The following ETS2 variants were observed in gnomAD, a reference collection of about 807,000 sequenced individuals.
ETS2 encodes the protein protein C-ets-2.
In ETS2, 19 loss-of-function variants were observed where a neutral mutation model predicts 54.9. That is an observed-to-expected ratio of 0.35 (90% confidence interval 0.24 to 0.51). ETS2 has a LOEUF of 0.51. ETS2 is among the 20% of genes least tolerant of loss of function. The probability of loss-of-function intolerance (pLI) is 0.97; values close to 1 mark genes in which losing one functional copy is unlikely to be tolerated. For synonymous variants in ETS2, 219 were observed against 229.3 expected (o/e 0.95, Z 0.41); for missense variants, 417 against 593.0 (o/e 0.70, Z 3.08).
At chr21:38,816,885 T>C (rs900650451) in intron 5 of ETS2, 123 bp from the exon 6 acceptor site, 35 of 604,654 alleles carry the variant, frequency 5.8e-5, no homozygotes, top group Non-Finnish European at 9.7e-5. Context: ...AGATTAAATG[T>C]GAAGCACTCC....
chr21:38,819,785 G>A lies in ETS2; in HGVS notation c.1075+19G>A, dbSNP rs774851109. ...TTCACAGGTGTGTGTGGAACTCCGA[G>A]AGCCTGGCCGCCCAGTCTCCTGGGT... On this transcript the variant is annotated intron_variant, in intron 8 of 9. Coordinates refer to ENST00000360938, the MANE Select transcript of ETS2 (RefSeq NM_005239.6). The A allele has an allele frequency of 4.6e-5, 74 of 1,604,058 alleles. No homozygotes were observed. The highest frequency in any genetic ancestry group is 5.6e-5 in the Non-Finnish European group (66 of 1,175,768).
At chr21:38,810,381 T>C (rs1224552512) in intron 2 of ETS2, among the ~76,000 whole-genome samples, 1 of 152,206 alleles carries the variant, frequency 6.6e-6, no homozygotes, top group African/African-American at 2.4e-5. Flanking sequence ...GAAAATCCTA[T>C]AACTCCCAAT....
Position 38,823,489 on chromosome 21 carries a change from G to A in ETS2, c.*600G>A, listed in dbSNP as rs976704835. The A allele has an allele frequency of 2.0e-5, 3 of 152,346 alleles. No individual in the cohort carries two copies. Among genetic ancestry groups the A allele is most frequent in the African/African-American group, 7.2e-5 (3 of 41,416 alleles). 9.4% of individuals were successfully genotyped at this position (152,346 alleles called of 1,614,324 possible). ...TGAGGTTTTATTTCATTTTTCAATA[G>A]CACATATGGAATTTTGCAAAGATTT... On this transcript the variant is annotated 3_prime_UTR_variant, in exon 10 of 10. Coordinates refer to ENST00000360938, the MANE Select transcript of ETS2 (RefSeq NM_005239.6).
At position 38,822,894 on chromosome 21, in the gene ETS2, G is replaced by A; in HGVS notation, c.*5G>A. 4 of 1,562,084 alleles carry A rather than the reference G, an allele frequency of 2.6e-6. No homozygotes were observed. In the Admixed American group the frequency reaches 5.4e-5, roughly 21 times the overall value. ...CAGCCCGACACGGAGGACTGAGGTC[G>A]CCGGGACCACCCTGAGCCGGCCCCA... is the stretch of plus-strand genomic sequence containing the variant. On this transcript the variant is annotated 3_prime_UTR_variant, in exon 10 of 10. Transcript: ENST00000360938.
chr21:38,805,986 GC>G lies in ETS2; in HGVS notation c.-133del. ...GTCGCTCCAGCTCAGAGCTCCCGGA[GC>G]CGCCCGGCCAGCGTCCGGCCTCCCT... On this transcript the variant is annotated 5_prime_UTR_variant, in exon 1 of 10. Transcript: ENST00000360938. This position sits in a 1 kb window ranked among gnomAD's most constrained non-coding sequence, Gnocchi z 5.2. 9.5e-6 allele frequency: 12 copies of G among 1,263,148 alleles called. No individual in the cohort carries two copies. Among genetic ancestry groups the G allele is most frequent in the Non-Finnish European group, 1.2e-5 (12 of 978,724 alleles). 78.2% of individuals were successfully genotyped at this position (1,263,148 alleles called of 1,614,324 possible).
At chr21:38,805,594 T>A, upstream of ETS2, 1 of 1,269,550 alleles carries the variant, frequency 7.9e-7, no homozygotes, top group Non-Finnish European at 1.0e-6. This position sits in a 1 kb window ranked among gnomAD's most constrained non-coding sequence, Gnocchi z 5.2. Context: ...CCCAGCCGAG[T>A]GACAGCAGGA....
At chr21:38,810,184 C>T in intron 2 of ETS2, 78 bp downstream of exon 2, 1 of 827,414 alleles carries the variant, frequency 1.2e-6, no homozygotes, top group Non-Finnish European at 1.9e-6. Context: ...AGGCCTGGGT[C>T]CCAGAAAACT....
At chr21:38,822,584 G>A in intron 9 of ETS2, 90 bp from the exon 10 acceptor site, 1 of 1,163,378 alleles carries the variant, frequency 8.6e-7, no homozygotes, top group South Asian at 1.4e-5. Context: ...GAGTGAACAT[G>A]CCTCAGAATC....
intron 8 of ETS2, among the ~76,000 whole-genome samples, chr21:38,820,717 C>T (rs2060954608): frequency 6.6e-6 from 1 of 152,256 alleles, no homozygotes; most frequent in South Asian, 2.1e-4. Flanking sequence ...GGTGCTCACA[C>T]AGCTCTGGTT....
chr21:38,805,749 C>T, upstream of ETS2: 1 of 853,270 alleles, frequency 1.2e-6, no homozygotes, highest in Non-Finnish European at 1.6e-6. This position sits in a 1 kb window ranked among gnomAD's most constrained non-coding sequence, Gnocchi z 5.2. Flanking sequence ...CCTCTCCTCC[C>T]GCTTCTCCCC....
intron 3 of ETS2, among the ~76,000 whole-genome samples, chr21:38,813,921 G>T (rs931637422): frequency 7.2e-5 from 11 of 152,174 alleles, no homozygotes; most frequent in African/African-American, 2.4e-4. Flanking sequence ...ACTTCCAAAT[G>T]ATACAGTCCC....
chr21:38,807,539 C>T (rs905859994), intron 1 of ETS2, among the ~76,000 whole-genome samples: 12 of 151,072 alleles, frequency 7.9e-5, no homozygotes, highest in Non-Finnish European at 1.5e-5. Context: ...GTAAAATAAG[C>T]AAGCTTAAAT....
At chr21:38,805,608 G>A (rs2060888678), upstream of ETS2, 7 of 1,258,608 alleles carry the variant, frequency 5.6e-6, no homozygotes, top group Admixed American at 5.0e-5. The surrounding 1 kb of genome is among the most constrained non-coding windows in gnomAD (Gnocchi z 5.2). Flanking sequence ...AGCAGGAGGC[G>A]GAGGGAAGGT....
At chr21:38,808,779 C>T (rs1199234922) in intron 1 of ETS2, among the ~76,000 whole-genome samples, 1 of 152,134 alleles carries the variant, frequency 6.6e-6, no homozygotes, top group Non-Finnish European at 1.5e-5. Flanking sequence ...GTCTGAATTA[C>T]TTAAAAAGTT....
chr21:38,807,107 A>G (rs2060896605), intron 1 of ETS2, among the ~76,000 whole-genome samples: 1 of 152,228 alleles, frequency 6.6e-6, no homozygotes, highest in Non-Finnish European at 1.5e-5. Flanking sequence ...GTTAAGCTTT[A>G]TTAAAATTCT....
chr21:38,814,672 G>A lies in ETS2; in HGVS notation c.305-109G>A. On this transcript the variant is annotated intron_variant, in intron 4 of 9. Coordinates refer to ENST00000360938, the MANE Select transcript of ETS2 (RefSeq NM_005239.6). This position sits in a 1 kb window ranked among gnomAD's most constrained non-coding sequence, Gnocchi z 4.2. ...CATCATGGTATCTTGCTCATTCGTG[G>A]GTTCTGGTGTATGTCGGTACTTGGT... 2 of 1,008,332 alleles carry A rather than the reference G, an allele frequency of 2.0e-6. No individual in the cohort carries two copies. Among genetic ancestry groups the A allele is most frequent in the Non-Finnish European group, 3.0e-6 (2 of 666,198 alleles). 62.5% of individuals were successfully genotyped at this position (1,008,332 alleles called of 1,614,324 possible).
chr21:38,807,677 A>G (rs1156573377), intron 1 of ETS2, among the ~76,000 whole-genome samples: 5 of 152,224 alleles, frequency 3.3e-5, no homozygotes, highest in Non-Finnish European at 5.9e-5. Context: ...ACAGCTCTTT[A>G]TGTGGGAGTG....
At chr21:38,815,029 C>T (rs184861649) in intron 5 of ETS2, 48 bp downstream of exon 5, 47 of 1,578,272 alleles carry the variant, frequency 3.0e-5, no homozygotes, top group South Asian at 1.8e-4. Flanking sequence ...GAGCTGTGGC[C>T]GGGAAGACTG....
intron 6 of ETS2, 93 bp downstream of exon 6, chr21:38,817,184 TA>T: frequency 1.3e-6 from 1 of 773,080 alleles, no homozygotes; most frequent in South Asian, 1.6e-5. Flanking sequence ...AGGGGCCACC[TA>T]GACCTGTGTG....
Sources: allele counts gnomAD v4.1 joint callset (sites outside exome capture counted in the v4.1 genomes callset), GRCh38; gene constraint gnomAD v4.1.1; non-coding constraint Gnocchi (gnomAD v3.1); transcripts MANE v1.5; gene names NCBI Gene and HGNC (gene_info 2026-07-23, HGNC 2026-07-21).